The following MYO5B variants were observed in gnomAD, a reference collection of about 807,000 sequenced individuals.
MYO5B encodes the protein unconventional myosin-Vb.
Under a neutral mutation model 229.3 loss-of-function variants are expected in MYO5B, and 143 were observed. The observed-to-expected ratio is 0.62, with a 90% CI of 0.54 to 0.72. MYO5B has a LOEUF of 0.72. Ranked by LOEUF, MYO5B falls within the 30% of genes least tolerant of loss-of-function variation. The pLI is 0.00. For missense variants in MYO5B, 2,321 were observed against 2,331.0 expected, an observed-to-expected ratio of 1.00 and a Z score of 0.09; for synonymous variants, 918 against 885.2, an observed-to-expected ratio of 1.04 and a Z score of -0.66.
intron 4 of MYO5B, among the ~76,000 whole-genome samples, chr18:50,016,209 T>G (rs2026213699): frequency 6.6e-6 from 1 of 152,226 alleles, no homozygotes; most frequent in African/African-American, 2.4e-5. Context: ...CTCATTCTTT[T>G]TCTTTTTATT....
chr18:50,089,766 C>T (rs140534673), intron 1 of MYO5B, among the ~76,000 whole-genome samples: 2 of 152,184 alleles, frequency 1.3e-5, no homozygotes, highest in Admixed American at 6.5e-5. Flanking sequence ...AGAGCCAGGT[C>T]GGCAACCTTT....
intron 1 of MYO5B, among the ~76,000 whole-genome samples, chr18:50,177,715 C>T (rs563436803): frequency 6.6e-6 from 1 of 152,376 alleles, no homozygotes; most frequent in East Asian, 1.9e-4. Context: ...TTCATCACCA[C>T]CCACTGAACT....
intron 1 of MYO5B, among the ~76,000 whole-genome samples, chr18:50,109,256 A>C (rs2031819299): frequency 6.6e-6 from 1 of 152,144 alleles, no homozygotes; most frequent in South Asian, 2.1e-4. Flanking sequence ...AAGAAAATGG[A>C]ATTTGTTACG....
At chr18:49,920,450 T>C (rs949216760) in intron 17 of MYO5B, among the ~76,000 whole-genome samples, 8 of 152,124 alleles carry the variant, frequency 5.3e-5, no homozygotes, top group Non-Finnish European at 1.2e-4. Context: ...ACTCACACCA[T>C]CAGAAACACT....
Position 50,195,116 on chromosome 18 carries a change from AG to A in MYO5B, c.-324del, listed in dbSNP as rs1167664713. ...CGAGGAGGGAGGACCCGCTCGCGTC[AG>A]AGCGGACGGCCCGTGCGCCGCCGCG... On this transcript the variant is annotated 5_prime_UTR_variant, in exon 1 of 40. Coordinates refer to ENST00000285039, the MANE Select transcript of MYO5B (RefSeq NM_001080467.3). The A allele has an allele frequency of 8.8e-6, 2 of 226,374 alleles. No individual in the cohort carries two copies. Among genetic ancestry groups the A allele is most frequent in the Non-Finnish European group, 1.7e-5 (2 of 116,952 alleles). The allele number at this position is 226,374 out of a possible 1,614,324, so 14.0% of individuals were successfully genotyped here.
At chr18:50,012,003 A>C (rs2026166303) in intron 4 of MYO5B, among the ~76,000 whole-genome samples, 1 of 152,108 alleles carries the variant, frequency 6.6e-6, no homozygotes, top group Non-Finnish European at 1.5e-5. Context: ...GGCAACGCTG[A>C]CTGCAGAACC....
At chr18:49,916,512 A>C (rs1015228996) in intron 17 of MYO5B, among the ~76,000 whole-genome samples, 1 of 152,220 alleles carries the variant, frequency 6.6e-6, no homozygotes, top group Non-Finnish European at 1.5e-5. Flanking sequence ...CAAAGCTTCC[A>C]AAGACCGGAA....
intron 15 of MYO5B, 75 bp from the exon 16 acceptor site, chr18:49,936,424 G>A: frequency 9.7e-7 from 1 of 1,032,270 alleles, no homozygotes; most frequent in South Asian, 1.4e-5. Context: ...CTCATATATG[G>A]GTGGCGGTAG....
chr18:50,092,957 C>T (rs555217593), intron 1 of MYO5B, among the ~76,000 whole-genome samples: 182 of 152,114 alleles, frequency 1.2e-3, no homozygotes, highest in Middle Eastern at 3.4e-3. Context: ...TAAAAGACTC[C>T]GCAAACAAAA....
chr18:49,957,368 G>A (rs560265878), intron 12 of MYO5B, among the ~76,000 whole-genome samples: 3 of 151,676 alleles, frequency 2.0e-5, no homozygotes, highest in Non-Finnish European at 4.4e-5. Context: ...CCAACCAGGC[G>A]CAATGGCTCA....
rs1322548036 is a variant in MYO5B, at chr18:49,974,404, G to A, written c.1268C>T (p.Ala423Val). 1.2e-6 allele frequency: 2 copies of A among 1,614,184 alleles called. No individual in the cohort carries two copies. The highest frequency in any genetic ancestry group is 1.7e-6 in the Non-Finnish European group (2 of 1,180,018). Residue 423 changes from alanine to valine, a missense_variant, in exon 10 of 40, where the codon GCC becomes GTC. Physicochemically the swap from Ala to Val is moderately conservative, Grantham distance 64. Coordinates refer to ENST00000285039, the MANE Select transcript of MYO5B (RefSeq NM_001080467.3). ...GTGCTGCTTGAGGGAGGTGTGCAGGGCCTTGTTGATGTGCTCCACAATCCA... is the reference window on the plus strand; with the variant it reads ...GTGCTGCTTGAGGGAGGTGTGCAGGACCTTGTTGATGTGCTCCACAATCCA... ...FGWIVEHINK[A>V]LHTSLKQHSF...
chr18:49,947,766 C>T (rs1222165521), intron 14 of MYO5B, among the ~76,000 whole-genome samples: 1 of 152,140 alleles, frequency 6.6e-6, no homozygotes, highest in Non-Finnish European at 1.5e-5. Context: ...AAAACCTGTA[C>T]ATAGGGACTG....
intron 1 of MYO5B, chr18:50,097,213 C>T (rs745852856): frequency 8.8e-6 from 4 of 456,712 alleles, no homozygotes; most frequent in South Asian, 6.2e-5. Flanking sequence ...TGTCATCACT[C>T]CCACCTCCGC....
chr18:50,038,341 G>A (rs1469228728), intron 3 of MYO5B, among the ~76,000 whole-genome samples: 1 of 152,178 alleles, frequency 6.6e-6, no homozygotes, highest in Non-Finnish European at 1.5e-5. Flanking sequence ...AAGAGACACT[G>A]GGAACGCGAA....
intron 26 of MYO5B, among the ~76,000 whole-genome samples, chr18:49,873,144 T>C (rs967809119): frequency 1.3e-5 from 2 of 152,234 alleles, no homozygotes; most frequent in African/African-American, 4.8e-5. Context: ...TGGCAATTTC[T>C]GGAATAACAA....
At chr18:49,861,628 C>T (rs1211489955) in intron 29 of MYO5B, among the ~76,000 whole-genome samples, 1 of 152,196 alleles carries the variant, frequency 6.6e-6, no homozygotes, top group Non-Finnish European at 1.5e-5. Context: ...GCCTGTGACA[C>T]CACCTTCAAC....
At chr18:49,947,558 G>C (rs1177886169) in intron 14 of MYO5B, among the ~76,000 whole-genome samples, 1 of 152,162 alleles carries the variant, frequency 6.6e-6, no homozygotes, top group East Asian at 1.9e-4. Flanking sequence ...ATAGTAATCA[G>C]ATCAGGGCAA....
At chr18:50,180,503 C>T (rs763591716) in intron 1 of MYO5B, among the ~76,000 whole-genome samples, 3 of 152,200 alleles carry the variant, frequency 2.0e-5, no homozygotes, top group Non-Finnish European at 4.4e-5. Context: ...TCCAGTCCTC[C>T]TTCCCACCTA....
intron 7 of MYO5B, among the ~76,000 whole-genome samples, chr18:49,989,633 G>A (rs1223691448): frequency 6.6e-6 from 1 of 152,200 alleles, no homozygotes; most frequent in Non-Finnish European, 1.5e-5. Flanking sequence ...CCAGACCCAA[G>A]GAGAGCTGCT....
Sources: gnomAD v4.1 joint callset for allele counts (sites outside exome capture counted in the v4.1 genomes callset) on GRCh38, gnomAD v4.1.1 for gene constraint, MANE v1.5 for transcripts, NCBI Gene and HGNC (gene_info 2026-07-23, HGNC 2026-07-21) for gene names.